FMN1: variants seen among roughly 807,000 people sequenced by gnomAD.
The protein encoded by FMN1 is formin-1.
Under a neutral mutation model 132.4 loss-of-function variants are expected in FMN1, and 110 were observed. The observed-to-expected ratio is 0.83, with a 90% CI of 0.71 to 0.97. The LOEUF is 0.97. Among genes scored for constraint, FMN1 ranks in the 50% least tolerant of loss-of-function variants. The pLI, the probability that FMN1 is intolerant of heterozygous loss-of-function variation, is 0.00. For synonymous variants in FMN1, 722 were observed against 651.7 expected (o/e 1.11, Z -1.64); for missense variants, 1,792 against 1,705.3 (o/e 1.05, Z -0.90).
intron 6 of FMN1, among the ~76,000 whole-genome samples, chr15:33,029,488 G>GTTACAAAC: frequency 1.3e-5 from 2 of 151,956 alleles, no homozygotes; most frequent in African/African-American, 4.8e-5. Flanking sequence ...AGGGATGGAG[G>GTTACAAAC]ACCTGTTTGT....
chr15:32,983,199 G>A (rs2032817465), intron 7 of FMN1, among the ~76,000 whole-genome samples: 1 of 152,146 alleles, frequency 6.6e-6, no homozygotes, highest in South Asian at 2.1e-4. Flanking sequence ...TGGATTTCAG[G>A]TAGATGCCAA....
chr15:32,994,836 G>C (rs1454187983), intron 7 of FMN1, among the ~76,000 whole-genome samples: 1 of 152,122 alleles, frequency 6.6e-6, no homozygotes, highest in Non-Finnish European at 1.5e-5. Context: ...AGCATGTACT[G>C]TCTCTGTAAG....
intron 9 of FMN1, among the ~76,000 whole-genome samples, chr15:32,937,417 T>G (rs527630422): frequency 6.6e-6 from 1 of 152,230 alleles, no homozygotes; most frequent in African/African-American, 2.4e-5. Flanking sequence ...ACTGGTTTCA[T>G]GCTCACCTGG....
At chr15:33,172,993 A>G (rs1965385701) in intron 3 of FMN1, among the ~76,000 whole-genome samples, 1 of 152,204 alleles carries the variant, frequency 6.6e-6, no homozygotes, top group Non-Finnish European at 1.5e-5. Context: ...TGATCTTGCC[A>G]GAGGTTTTCT....
At chr15:32,889,697 T>A (rs1182387100) in intron 15 of FMN1, among the ~76,000 whole-genome samples, 1 of 149,586 alleles carries the variant, frequency 6.7e-6, no homozygotes, top group African/African-American at 2.5e-5. Flanking sequence ...AGATTTCCCC[T>A]AACCTCCAGC....
chr15:32,784,511 T>C (rs2056784887), intron 19 of FMN1, among the ~76,000 whole-genome samples: 1 of 152,194 alleles, frequency 6.6e-6, no homozygotes, highest in African/African-American at 2.4e-5. Context: ...GAACTGTCTA[T>C]GAATATCTTA....
rs1964107490 is a variant in FMN1 at position 33,143,946 on chromosome 15, TGTCTTGAG to T, written c.1867+9094_1867+9101del. Among the ~76,000 whole-genome samples, 3 of 152,164 alleles carry T rather than the reference TGTCTTGAG, an allele frequency of 2.0e-5. No homozygotes were observed. In the South Asian group the frequency reaches 6.2e-4, roughly 32 times the overall value. ...AAATACAGATGAGAGGCAGATAATA[TGTCTTGAG>T]GTCCAAAACCTATCGCCTTGATAGA... On this transcript the variant is annotated intron_variant, in intron 4 of 20. Coordinates refer to ENST00000616417, the MANE Select transcript of FMN1 (RefSeq NM_001277313.2).
chr15:32,878,266 G>A (rs1170998065), intron 16 of FMN1, among the ~76,000 whole-genome samples: 2 of 152,194 alleles, frequency 1.3e-5, no homozygotes, highest in Non-Finnish European at 2.9e-5. Context: ...GGTGAGTGGT[G>A]TGAGAGAAGA....
intron 4 of FMN1, among the ~76,000 whole-genome samples, chr15:33,096,470 G>A (rs2039088527): frequency 6.6e-6 from 1 of 152,016 alleles, no homozygotes; most frequent in Non-Finnish European, 1.5e-5. Flanking sequence ...TTCGTAAATC[G>A]CCACCTTTTG....
At chr15:32,801,712 G>A (rs973875015) in intron 18 of FMN1, among the ~76,000 whole-genome samples, 4 of 152,198 alleles carry the variant, frequency 2.6e-5, no homozygotes, top group African/African-American at 4.8e-5. Context: ...GGAGAATGGC[G>A]TGAACCTGGG....
chr15:32,916,909 A>G (rs1287300084), intron 10 of FMN1, among the ~76,000 whole-genome samples: 1 of 152,116 alleles, frequency 6.6e-6, no homozygotes, highest in Non-Finnish European at 1.5e-5. Context: ...AGAAATATAG[A>G]AGGACTTGGT....
In FMN1 at chr15:33,154,110, G is replaced by C. The variant is rs28507600; in HGVS notation, c.805C>G (p.Pro269Ala). 656,178 of 1,535,996 alleles carry C rather than the reference G, an allele frequency of 0.43. 145,657 individuals carry two copies. The highest frequency in any genetic ancestry group is 0.47 in the Middle Eastern group (2,817 of 5,992). ...DTGLGREVLP[P>A]DCSSTEAGGD... is the part of the protein sequence containing the mutation. The stretch of plus-strand genomic sequence containing the variant: ...CCTGCCTCTGTGGAGCTGCAGTCAG[G>C]GGGCAGCACTTCTCTTCCAAGCCCA... Residue 269 changes from proline (P) to alanine (A), a missense_variant, in exon 4 of 21, where the codon CCT (proline) becomes GCT (alanine). Coordinates refer to ENST00000616417, the MANE Select transcript of FMN1 (RefSeq NM_001277313.2).
At chr15:32,961,388 C>A (rs1279185944) in intron 9 of FMN1, among the ~76,000 whole-genome samples, 3 of 152,098 alleles carry the variant, frequency 2.0e-5, no homozygotes, top group Non-Finnish European at 4.4e-5. Flanking sequence ...CCCACCTCAG[C>A]CTCCCAAAGT....
intron 5 of FMN1, among the ~76,000 whole-genome samples, chr15:33,070,174 T>G (rs1420816526): frequency 6.6e-6 from 1 of 151,316 alleles, no homozygotes; most frequent in Non-Finnish European, 1.5e-5. Flanking sequence ...CCCGGCTAAT[T>G]TTGTATTTTT....
intron 5 of FMN1, among the ~76,000 whole-genome samples, chr15:33,086,580 T>A (rs911289574): frequency 5.7e-5 from 8 of 141,280 alleles, no homozygotes; most frequent in Admixed American, 2.2e-4. Context: ...CAGTATTTTT[T>A]AAAAACACAG....
At chr15:32,790,835 G>A (rs1274770571) in intron 19 of FMN1, among the ~76,000 whole-genome samples, 2 of 152,312 alleles carry the variant, frequency 1.3e-5, no homozygotes, top group East Asian at 3.9e-4. Flanking sequence ...CAAAGAACAG[G>A]CTTGTGTCCT....
chr15:32,863,291 G>T lies in FMN1; in HGVS notation c.3836-6184C>A, dbSNP rs530931242. Reference sequence around the variant, plus strand: ...TCTCTACTAAAAATACAAAAAATTAGCTGGGCGTGGTGGCGGGCACCTGTA... The same window carrying T: ...TCTCTACTAAAAATACAAAAAATTATCTGGGCGTGGTGGCGGGCACCTGTA... On this transcript the variant is annotated intron_variant, in intron 16 of 20. Coordinates refer to ENST00000616417, the MANE Select transcript of FMN1 (RefSeq NM_001277313.2). 1.1e-4 allele frequency among the ~76,000 whole-genome samples: 17 copies of T among 152,242 alleles called. 1 individual carries two copies. In the South Asian group the frequency reaches 3.5e-3, roughly 32 times the overall value.
intron 5 of FMN1, among the ~76,000 whole-genome samples, chr15:33,075,528 G>C (rs559403755): frequency 6.6e-6 from 1 of 152,288 alleles, no homozygotes; most frequent in South Asian, 2.1e-4. Flanking sequence ...GTGTTTTCTG[G>C]ATTGGATTCT....
intron 12 of FMN1, among the ~76,000 whole-genome samples, chr15:32,902,452 T>A (rs1289221722): frequency 6.6e-6 from 1 of 151,460 alleles, no homozygotes; most frequent in Non-Finnish European, 1.5e-5. Context: ...CTAAGCAAAC[T>A]GAAGACTTGA....
Sources: gnomAD v4.1 joint callset for allele counts (sites outside exome capture counted in the v4.1 genomes callset) on GRCh38, gnomAD v4.1.1 for gene constraint, MANE v1.5 for transcripts, NCBI Gene and HGNC (gene_info 2026-07-23, HGNC 2026-07-21) for gene names.